Variants in PTK2 observed in about 807,000 individuals in gnomAD.
PTK2 encodes the protein focal adhesion kinase 1.
A neutral mutation model predicts 150.1 loss-of-function variants in PTK2; 45 were observed. The observed-to-expected ratio is 0.30, with a 90% CI of 0.24 to 0.38. The LOEUF is 0.38. Among genes scored for constraint, PTK2 ranks in the 10% least tolerant of loss-of-function variants. The probability of loss-of-function intolerance (pLI) is 1.00; values close to 1 mark genes in which losing one functional copy is unlikely to be tolerated. For missense variants in PTK2, 919 were observed against 1,307.3 expected (o/e 0.70, Z 4.58); for synonymous variants, 432 against 449.2 (o/e 0.96, Z 0.48).
At chr8:140,949,513 C>T (rs887815626) in intron 1 of PTK2, among the ~76,000 whole-genome samples, 3 of 152,222 alleles carry the variant, frequency 2.0e-5, no homozygotes, top group African/African-American at 7.2e-5. Context: ...CCTGGCCTCT[C>T]CCCAGCCCAC....
chr8:140,732,794 A>G (rs969896626), intron 22 of PTK2: 8 of 248,892 alleles, frequency 3.2e-5, no homozygotes, highest in African/African-American at 1.2e-4. Flanking sequence ...AAGAACAAAG[A>G]GCTTTGGAGA....
intron 1 of PTK2, among the ~76,000 whole-genome samples, chr8:140,991,611 T>C (rs1454812283): frequency 6.6e-6 from 1 of 152,080 alleles, no homozygotes; most frequent in Non-Finnish European, 1.5e-5. Context: ...TACCTCAAAT[T>C]AAGACTAATT....
intron 2 of PTK2, among the ~76,000 whole-genome samples, chr8:140,894,648 A>G (rs1276540629): frequency 3.3e-5 from 5 of 152,236 alleles, no homozygotes; most frequent in Non-Finnish European, 7.3e-5. Context: ...CGGCCACAGT[A>G]TACCTTTTGA....
chr8:141,000,185 C>T (rs1027403760), intron 1 of PTK2, among the ~76,000 whole-genome samples: 44 of 150,734 alleles, frequency 2.9e-4, no homozygotes, highest in Non-Finnish European at 2.1e-4. Flanking sequence ...AGAAATTCGG[C>T]AAACAGTTGC....
chr8:140,945,996 G>C (rs2100177572), intron 1 of PTK2, among the ~76,000 whole-genome samples: 1 of 151,854 alleles, frequency 6.6e-6, no homozygotes, highest in Admixed American at 6.6e-5. Context: ...ATTTTTGCTG[G>C]TACCACAGGT....
In PTK2 at chr8:140,977,810, C is replaced by CAT. The variant is rs373522677; in HGVS notation, c.-122+23313_-122+23314dup. ...AATCAAAACAATAAAAAGTACTCAT[C>CAT]ATAAAGGAAAAAAGAAATAAAGCTT... On this transcript the variant is annotated intron_variant, in intron 1 of 31. Transcript: ENST00000522684. Among the ~76,000 whole-genome samples the CAT allele has an allele frequency of 4.5e-3, 684 of 152,038 alleles. 3 individuals carry two copies. The highest frequency in any genetic ancestry group is 0.016 in the African/African-American group (644 of 41,462).
intron 22 of PTK2, chr8:140,718,056 A>C (rs775008116): frequency 1.6e-5 from 4 of 250,486 alleles, no homozygotes; most frequent in Non-Finnish European, 8.0e-6. Flanking sequence ...AATCCCACGC[A>C]GCACTTTATC....
At chr8:140,895,361 A>T (rs1444481945) in intron 2 of PTK2, among the ~76,000 whole-genome samples, 1 of 152,000 alleles carries the variant, frequency 6.6e-6, no homozygotes, top group Non-Finnish European at 1.5e-5. Flanking sequence ...CCTACAAAAT[A>T]ATTTAAAAAA....
intron 16 of PTK2, among the ~76,000 whole-genome samples, chr8:140,752,790 A>G (rs1251827746): frequency 2.0e-5 from 3 of 152,236 alleles, no homozygotes; most frequent in South Asian, 2.1e-4. Context: ...GACCTCACTG[A>G]GCAGATGAGA....
At chr8:140,902,398 C>G (rs145538588) in intron 2 of PTK2, among the ~76,000 whole-genome samples, 4,986 of 152,250 alleles carry the variant, frequency 0.033, 279 homozygotes, top group African/African-American at 0.11. Context: ...GTCTTTGCTA[C>G]TGTGAACAGT....
At chr8:140,739,323 T>C (rs578259465) in intron 20 of PTK2, among the ~76,000 whole-genome samples, 74 of 152,270 alleles carry the variant, frequency 4.9e-4, no homozygotes, top group African/African-American at 1.7e-3. Context: ...AATACCAATG[T>C]CCTTCCCTCT....
chr8:140,790,338 T>C (rs978677371), intron 13 of PTK2, among the ~76,000 whole-genome samples: 1 of 152,232 alleles, frequency 6.6e-6, no homozygotes, highest in Non-Finnish European at 1.5e-5. Context: ...GATTTTGGAA[T>C]GTCTGCATAT....
intron 5 of PTK2, among the ~76,000 whole-genome samples, chr8:140,847,063 G>T (rs973377700): frequency 2.6e-5 from 4 of 152,114 alleles, no homozygotes; most frequent in Non-Finnish European, 4.4e-5. Flanking sequence ...AACGAATAGG[G>T]TCTGAATCAT....
intron 26 of PTK2, among the ~76,000 whole-genome samples, chr8:140,697,476 T>C (rs1028723661): frequency 6.6e-6 from 1 of 151,572 alleles, no homozygotes; most frequent in Non-Finnish European, 1.5e-5. Flanking sequence ...AGTCTTGCTC[T>C]GTTGCCCAGG....
chr8:140,828,626 T>C (rs957869994), intron 8 of PTK2, among the ~76,000 whole-genome samples: 11 of 152,060 alleles, frequency 7.2e-5, no homozygotes, highest in Admixed American at 5.2e-4. Context: ...TTGGGTAGAG[T>C]ACTCTTCTAT....
chr8:140,704,385 C>T (rs1028722361), intron 24 of PTK2, among the ~76,000 whole-genome samples: 1 of 152,122 alleles, frequency 6.6e-6, no homozygotes, highest in African/African-American at 2.4e-5. Flanking sequence ...TTTTACACAC[C>T]GTTCTAAGCC....
intron 1 of PTK2, among the ~76,000 whole-genome samples, chr8:140,966,214 T>C (rs1203776727): frequency 1.3e-5 from 2 of 152,354 alleles, no homozygotes; most frequent in African/African-American, 2.4e-5. Context: ...TATGCACCAT[T>C]ATCTAAAACA....
intron 14 of PTK2, among the ~76,000 whole-genome samples, chr8:140,786,695 A>T (rs1192773175): frequency 1.3e-5 from 2 of 152,128 alleles, no homozygotes; most frequent in African/African-American, 2.4e-5. Flanking sequence ...CTAAGTAAGC[A>T]AGCAGTAGGG....
chr8:140,687,687 T>C (rs918688117), intron 26 of PTK2, among the ~76,000 whole-genome samples: 1 of 152,286 alleles, frequency 6.6e-6, no homozygotes, highest in East Asian at 1.9e-4. Flanking sequence ...CAAACCCTTT[T>C]CATTGTATCA....
Sources: gnomAD v4.1 joint callset for allele counts (sites outside exome capture counted in the v4.1 genomes callset) on GRCh38, gnomAD v4.1.1 for gene constraint, MANE v1.5 for transcripts, NCBI Gene and HGNC (gene_info 2026-07-23, HGNC 2026-07-21) for gene names.